IPO8: variants seen among roughly 807,000 people sequenced by gnomAD.
IPO8 encodes the protein importin-8.
A neutral mutation model predicts 141.2 loss-of-function variants in IPO8; 65 were observed. The ratio of observed to expected loss-of-function variants is 0.46; its 90% CI spans 0.38 to 0.57. The LOEUF (loss-of-function observed/expected upper bound fraction) is 0.57. Among genes scored for constraint, IPO8 ranks in the 20% least tolerant of loss-of-function variants. IPO8 has a pLI of 0.00. For missense variants in IPO8, 980 were observed against 1,246.8 expected (o/e 0.79, Z 3.22); for synonymous variants, 411 against 420.3 (o/e 0.98, Z 0.27).
intron 11 of IPO8, 37 bp from the exon 12 acceptor site, chr12:30,665,882 C>A (rs2052957332): frequency 7.5e-7 from 1 of 1,325,508 alleles, no homozygotes. Context: ...TCTACATGAA[C>A]TTTCATTGTC....
Position 30,630,145 on chromosome 12 carries a change from G to A in IPO8, c.*715C>T, listed in dbSNP as rs921526083. On this transcript the variant is annotated 3_prime_UTR_variant, in exon 25 of 25. Transcript: ENST00000256079. ...AGGAGTGAAACTGATATGTGTATTTGTTGACCCCAAAAGAAATACCACCCC... is the reference window on the plus strand; with the variant it reads ...AGGAGTGAAACTGATATGTGTATTTATTGACCCCAAAAGAAATACCACCCC... 1.3e-5 allele frequency: 2 copies of A among 152,098 alleles called. No homozygotes were observed. Among genetic ancestry groups the A allele is most frequent in the African/African-American group, 4.8e-5 (2 of 41,418 alleles). The allele number at this position is 152,098 out of a possible 1,614,324, so 9.4% of individuals were successfully genotyped here.
chr12:30,665,049 T>G (rs888422503), intron 13 of IPO8, among the ~76,000 whole-genome samples, 171 bp downstream of exon 13: 27 of 152,188 alleles, frequency 1.8e-4, no homozygotes, highest in Non-Finnish European at 2.5e-4. Context: ...CTATAAATCT[T>G]TTTCTTTAAT....
chr12:30,689,721 A>ATGAGTAATGATGGCCATTTC (rs2053273683), intron 2 of IPO8, among the ~76,000 whole-genome samples: 1 of 152,180 alleles, frequency 6.6e-6, no homozygotes, highest in Non-Finnish European at 1.5e-5. Flanking sequence ...AACGTTAATG[A>ATGAGTAATGATGGCCATTTC]TGAGTAATGA....
At chr12:30,689,942 C>T (rs747095331) in intron 2 of IPO8, among the ~76,000 whole-genome samples, 11 of 152,100 alleles carry the variant, frequency 7.2e-5, no homozygotes, top group Non-Finnish European at 1.5e-4. Flanking sequence ...TTTTAACCTT[C>T]TGGGCTCTAA....
At chr12:30,652,631 G>A (rs1041599168) in intron 18 of IPO8, among the ~76,000 whole-genome samples, 2 of 152,008 alleles carry the variant, frequency 1.3e-5, no homozygotes, top group African/African-American at 4.8e-5. Context: ...GCTTCAAAAG[G>A]GCAAAGCCTG....
At chr12:30,661,397 T>A in intron 15 of IPO8, 131 bp from the exon 16 acceptor site, 7 of 634,812 alleles carry the variant, frequency 1.1e-5, no homozygotes, top group Non-Finnish European at 1.5e-5. Context: ...TGCACTTTGC[T>A]GACTGAATCA....
At chr12:30,677,182 T>C (rs1397585792) in intron 5 of IPO8, 5 of 864,940 alleles carry the variant, frequency 5.8e-6, no homozygotes, top group Non-Finnish European at 8.8e-6. Context: ...GGAAAAAATG[T>C]ATATAAAGTC....
At chr12:30,676,906 G>T in intron 5 of IPO8, 1 of 1,525,936 alleles carries the variant, frequency 6.6e-7, no homozygotes, top group Non-Finnish European at 8.8e-7. Flanking sequence ...CCCTTTGAGG[G>T]TCAAACTTTC....
intron 22 of IPO8, 143 bp from the exon 23 acceptor site, chr12:30,634,429 C>T: frequency 1.6e-6 from 1 of 623,048 alleles, no homozygotes; most frequent in Non-Finnish European, 2.7e-6. Flanking sequence ...TAAATCTTAT[C>T]CCTGGTCTAA....
intron 20 of IPO8, 66 bp from the exon 21 acceptor site, chr12:30,639,801 A>C: frequency 9.3e-7 from 1 of 1,078,330 alleles, no homozygotes; most frequent in East Asian, 2.4e-5. Context: ...GAAGCTGAAT[A>C]TTGGCAGAGC....
At chr12:30,641,585 A>G (rs1437822529) in intron 20 of IPO8, among the ~76,000 whole-genome samples, 2 of 151,278 alleles carry the variant, frequency 1.3e-5, no homozygotes, top group Admixed American at 6.6e-5. Flanking sequence ...AAATTAAGAT[A>G]AATTGAAGTA....
chr12:30,641,933 G>A (rs951408403), intron 20 of IPO8, among the ~76,000 whole-genome samples: 4 of 152,102 alleles, frequency 2.6e-5, no homozygotes, highest in Admixed American at 6.6e-5. Context: ...AGTGGTTCAC[G>A]CCTGTAATCC....
At position 30,644,183 on chromosome 12, in the gene IPO8, C is replaced by A. The variant is rs1406401156; in HGVS notation, c.2269-4448G>T. On this transcript the variant is annotated intron_variant, in intron 20 of 24. Coordinates refer to ENST00000256079, the MANE Select transcript of IPO8 (RefSeq NM_006390.4). Reference sequence around the variant, plus strand: ...AGGAGTTAGAGAGCGGCCAAAACCACATAGTGAGACCTCATCTTTACAAAA... The same window carrying A: ...AGGAGTTAGAGAGCGGCCAAAACCAAATAGTGAGACCTCATCTTTACAAAA... Among the ~76,000 whole-genome samples, 7 of 152,110 alleles carry A rather than the reference C, an allele frequency of 4.6e-5. No homozygotes were observed. In the East Asian group the frequency reaches 1.4e-3, roughly 29 times the overall value.
At position 30,657,697 on chromosome 12, in the gene IPO8, A is replaced by G. The variant is rs141369320; in HGVS notation, c.1882-947T>C. Among the ~76,000 whole-genome samples the G allele has an allele frequency of 2.4e-3, 362 of 152,348 alleles. 2 individuals are homozygous for G. The highest frequency in any genetic ancestry group is 7.7e-3 in the African/African-American group (319 of 41,586). ...CCGGGACTGGTGAAATAAATTTGACACATCATACAAGGGAATATTAAGCAA... is the reference window on the plus strand; with the variant it reads ...CCGGGACTGGTGAAATAAATTTGACGCATCATACAAGGGAATATTAAGCAA... On this transcript the variant is annotated intron_variant, in intron 16 of 24. Transcript: ENST00000256079.
chr12:30,669,392 T>G, intron 9 of IPO8, 110 bp from the exon 10 acceptor site: 1 of 515,384 alleles, frequency 1.9e-6, no homozygotes, highest in Middle Eastern at 4.5e-4. Context: ...TTTTCCAAAC[T>G]CTGTGTGTGT....
At chr12:30,651,228 A>G (rs943766278) in intron 19 of IPO8, among the ~76,000 whole-genome samples, 1 of 152,130 alleles carries the variant, frequency 6.6e-6, no homozygotes, top group African/African-American at 2.4e-5. Context: ...ATTTAACAAC[A>G]TGGGTTATCC....
intron 18 of IPO8, among the ~76,000 whole-genome samples, chr12:30,652,554 C>G (rs2052742644): frequency 6.6e-6 from 1 of 151,952 alleles, no homozygotes; most frequent in South Asian, 2.1e-4. Flanking sequence ...ATCTGACATA[C>G]TTTATATTTT....
At chr12:30,635,559 A>C (rs903487458) in intron 22 of IPO8, among the ~76,000 whole-genome samples, 34 of 152,120 alleles carry the variant, frequency 2.2e-4, no homozygotes, top group African/African-American at 6.5e-4. Flanking sequence ...TTTCAGTGTC[A>C]ATCTGTTCCT....
chr12:30,644,524 C>T (rs2136132122), intron 20 of IPO8, among the ~76,000 whole-genome samples: 2 of 152,050 alleles, frequency 1.3e-5, no homozygotes, highest in South Asian at 4.1e-4. Context: ...AAGTAAAGCT[C>T]CATTGAGAGC....
Sources: allele counts gnomAD v4.1 joint callset (sites outside exome capture counted in the v4.1 genomes callset), GRCh38; gene constraint gnomAD v4.1.1; transcripts MANE v1.5; gene names NCBI Gene and HGNC (gene_info 2026-07-23, HGNC 2026-07-21).